The following LRRD1 variants were observed in gnomAD, a reference collection of about 807,000 sequenced individuals.
LRRD1 encodes leucine rich repeats and death domain containing 1, also known as leucine-rich repeat and death domain-containing protein 1.
In LRRD1, 49 loss-of-function variants were observed where a neutral mutation model predicts 69.5. The ratio of observed to expected loss-of-function variants is 0.70; its 90% confidence interval spans 0.56 to 0.89. The LOEUF is 0.89. Among genes scored for constraint, LRRD1 ranks in the 40% least tolerant of loss-of-function variants. The pLI is 0.00. For synonymous variants in LRRD1, 303 were observed against 338.9 expected (o/e 0.89, Z 1.16); for missense variants, 853 against 956.0 (o/e 0.89, Z 1.42).
Position 92,167,993 on chromosome 7 carries a change from T to C in LRRD1, c.-74-2717A>G, listed in dbSNP as rs549245336. On this transcript the variant is annotated intron_variant, in intron 1 of 5. Coordinates refer to ENST00000458448, the MANE Select transcript of LRRD1 (RefSeq NM_001161528.2). ...ATTCAGGAGATTTCAAGTTCTAAAA[T>C]TGACACCACAAAAGCAAGCTGTCTT... Among the ~76,000 whole-genome samples, 16 of 151,138 alleles carry C rather than the reference T, an allele frequency of 1.1e-4. No homozygotes were observed. In the East Asian group the frequency reaches 2.5e-3, roughly 24 times the overall value.
At chr7:92,178,803 A>G (rs1049230418) in intron 1 of LRRD1, 1 of 152,250 alleles carries the variant, frequency 6.6e-6, no homozygotes, top group Non-Finnish European at 1.5e-5. Context: ...TACCTATCTG[A>G]AAGACATGCA....
intron 2 of LRRD1, among the ~76,000 whole-genome samples, chr7:92,159,620 CT>C (rs1183950471): frequency 0.016 from 1,841 of 112,172 alleles, 24 homozygotes; most frequent in African/African-American, 0.049. Flanking sequence ...ATCAACATTG[CT>C]TTTTTTTTTT....
At position 92,159,044 on chromosome 7, in the gene LRRD1, A is replaced by G; in HGVS notation, c.2077T>C (p.Leu693=). 3 of 1,546,506 alleles carry G rather than the reference A, an allele frequency of 1.9e-6. No homozygotes were observed. The highest frequency in any genetic ancestry group is 2.0e-5 in the Admixed American group (1 of 49,668). Residue 693 remains leucine (L), a synonymous_variant, in exon 3 of 6, where the codon TTG becomes CTG. Transcript: ENST00000458448. Reference sequence around the variant, plus strand: ...TGCTGCAGATCATTTAAAGATAGCAAAGATGGTGGAAGATAACTTATTTGA... The same window carrying G: ...TGCTGCAGATCATTTAAAGATAGCAGAGATGGTGGAAGATAACTTATTTGA... ...NNQISYLPPS[L]LSLNDLQQLN...
chr7:92,163,321 C>A lies in LRRD1; in HGVS notation c.1882G>T (p.Glu628Ter). The change falls in exon 2 of 6, where the codon GAA becomes TAA. Residue 628 changes from glutamate (E) to a stop codon, truncating the protein, a stop_gained. Transcript: ENST00000458448. LOFTEE classifies it high-confidence loss of function. ...TTTATCTGACTTATATTCAGCTGTTCCAGTGATTGAAGTTGGCACAGTTCA... is the reference window on the plus strand; with the variant it reads ...TTTATCTGACTTATATTCAGCTGTTACAGTGATTGAAGTTGGCACAGTTCA... Reference protein sequence around the residue: ...PIELCQLQSLEQLNISQIKGR... With the variant: ...PIELCQLQSL 6.6e-7 allele frequency: 1 copy of A among 1,513,224 alleles called. No homozygotes were observed. The highest frequency in any genetic ancestry group is 8.8e-7 in the Non-Finnish European group (1 of 1,132,782). The allele number at this position is 1,513,224 out of a possible 1,614,324, so 93.7% of individuals were successfully genotyped here. A position where few individuals can be genotyped will look rare whatever the true frequency, so the allele number is the denominator to read the frequency against.
intron 1 of LRRD1, among the ~76,000 whole-genome samples, chr7:92,171,342 TA>T (rs1789053101): frequency 6.6e-6 from 1 of 151,672 alleles, no homozygotes; most frequent in Admixed American, 6.6e-5. Flanking sequence ...AATAAGGAGA[TA>T]TAACAACTGA....
In LRRD1 at chr7:92,155,608, G is replaced by GAT. The variant is rs370096471; in HGVS notation, c.2116+3395_2116+3396dup. On this transcript the variant is annotated intron_variant, in intron 3 of 5. Coordinates refer to ENST00000458448, the MANE Select transcript of LRRD1 (RefSeq NM_001161528.2). Reference sequence around the variant, plus strand: ...CCAGAGGGACAGGACTAATAGGATAGATATATATATATAAAAGGGAGTTTA... The same window carrying GAT: ...CCAGAGGGACAGGACTAATAGGATAGATATATATATATATAAAAGGGAGTTTA... Among the ~76,000 whole-genome samples, 1,053 of 151,790 alleles carry GAT rather than the reference G, an allele frequency of 6.9e-3. 10 individuals are homozygous for GAT. The highest frequency in any genetic ancestry group is 0.024 in the African/African-American group (981 of 41,428).
At chr7:92,142,776 C>T (rs147964456), downstream of LRRD1, 542 of 444,870 alleles carry the variant, frequency 1.2e-3, 8 homozygotes, top group East Asian at 0.033. Context: ...TGGAGTTGTT[C>T]CTTTCTCCCG....
chr7:92,169,249 T>C (rs1788994445), intron 1 of LRRD1, among the ~76,000 whole-genome samples: 1 of 151,318 alleles, frequency 6.6e-6, no homozygotes, highest in South Asian at 2.1e-4. Context: ...GATCTCAAAA[T>C]AACACACACA....
At chr7:92,178,528 G>C (rs1789246358) in intron 1 of LRRD1, among the ~76,000 whole-genome samples, 1 of 151,788 alleles carries the variant, frequency 6.6e-6, no homozygotes, top group Admixed American at 6.6e-5. Flanking sequence ...AAATTAGCCG[G>C]TCGTGGCGGC....
chr7:92,174,503 ATATATAT>A (rs1342537978), intron 1 of LRRD1, among the ~76,000 whole-genome samples: 5 of 20,118 alleles, frequency 2.5e-4, no homozygotes, highest in African/African-American at 1.1e-3. Context: ...ATATATATAT[ATATATAT>A]TTTTTTTTTT....
downstream of LRRD1, chr7:92,142,994 G>A: frequency 4.0e-6 from 1 of 249,530 alleles, no homozygotes; most frequent in East Asian, 1.1e-4. Context: ...TCTCTTATCT[G>A]GCCCCACCCA....
downstream of LRRD1, among the ~76,000 whole-genome samples, chr7:92,144,096 A>G (rs1172780705): frequency 1.3e-5 from 2 of 152,220 alleles, no homozygotes; most frequent in East Asian, 3.8e-4. Flanking sequence ...TGGCCACTCT[A>G]TCAATCCTGT....
In LRRD1 at chr7:92,163,938, T is replaced by C; in HGVS notation, c.1265A>G (p.Lys422Arg). 1 of 1,537,946 alleles carries C rather than the reference T, an allele frequency of 6.5e-7. No individual in the cohort carries two copies. Among genetic ancestry groups the C allele is most frequent in the Non-Finnish European group, 8.8e-7 (1 of 1,142,032 alleles). The change falls in exon 2 of 6, where the codon AAA becomes AGA. Residue 422 changes from lysine (K) to arginine (R), a missense_variant. By Grantham distance (26) the Lys-to-Arg change is conservative. Transcript: ENST00000458448. ...CATATTATTTCTGTTTACATGGAGTTTTCTTAAATTGTTAAGCTTATGGAT... is the reference window on the plus strand; with the variant it reads ...CATATTATTTCTGTTTACATGGAGTCTTCTTAAATTGTTAAGCTTATGGAT... The part of the protein sequence containing the change: ...KYIHKLNNLR[K>R]LHVNRNNMVK...
intron 1 of LRRD1, among the ~76,000 whole-genome samples, chr7:92,174,511 T>A (rs6962079): frequency 0.042 from 1,117 of 26,494 alleles, 19 homozygotes; most frequent in East Asian, 0.24. Flanking sequence ...ATATATATAT[T>A]TTTTTTTTTT....
intron 2 of LRRD1, among the ~76,000 whole-genome samples, chr7:92,160,367 C>T (rs1584657052): frequency 6.6e-6 from 1 of 152,050 alleles, no homozygotes; most frequent in Non-Finnish European, 1.5e-5. Flanking sequence ...AGAATATATC[C>T]TATGAAAAAA....
At chr7:92,156,194 C>A (rs905981765) in intron 3 of LRRD1, among the ~76,000 whole-genome samples, 1 of 152,370 alleles carries the variant, frequency 6.6e-6, no homozygotes, top group Non-Finnish European at 1.5e-5. Context: ...AATACTATCA[C>A]TGTCTTCATG....
chr7:92,145,633 G>T (rs980235782), intron 5 of LRRD1, among the ~76,000 whole-genome samples: 1 of 151,714 alleles, frequency 6.6e-6, no homozygotes, highest in African/African-American at 2.4e-5. Context: ...TAGAGGCGGG[G>T]TTTCACCGTG....
chr7:92,172,398 A>T (rs1211270006), intron 1 of LRRD1, among the ~76,000 whole-genome samples: 4 of 152,218 alleles, frequency 2.6e-5, no homozygotes, highest in Non-Finnish European at 5.9e-5. Context: ...GAAGCAGTCA[A>T]ATTAGCCTTG....
At chr7:92,153,451 T>C (rs1030705964) in intron 3 of LRRD1, among the ~76,000 whole-genome samples, 24 of 151,998 alleles carry the variant, frequency 1.6e-4, no homozygotes, top group African/African-American at 5.3e-4. Context: ...GTTTGACTTC[T>C]TAATTTTGTT....
Sources: gnomAD v4.1 joint callset for allele counts (sites outside exome capture counted in the v4.1 genomes callset) on GRCh38, gnomAD v4.1.1 for gene constraint, MANE v1.5 for transcripts, NCBI Gene and HGNC (gene_info 2026-07-23, HGNC 2026-07-21) for gene names.